The following FNDC3A variants were observed in gnomAD, a reference collection of about 807,000 sequenced individuals.
The protein encoded by FNDC3A is fibronectin type-III domain-containing protein 3A.
In FNDC3A, 32 loss-of-function variants were observed where a neutral mutation model predicts 148.9. The observed-to-expected ratio is 0.21, with a 90% CI of 0.16 to 0.29. The LOEUF (loss-of-function observed/expected upper bound fraction) is 0.29. Ranked by LOEUF, FNDC3A falls within the 10% of genes least tolerant of loss-of-function variation. The pLI, the probability that FNDC3A is intolerant of heterozygous loss-of-function variation, is 1.00. For synonymous variants in FNDC3A, 472 were observed against 473.6 expected (o/e 1.00, Z 0.04); for missense variants, 1,191 against 1,452.8 (o/e 0.82, Z 2.93).
At chr13:49,019,255 C>T (rs1873098263) in intron 2 of FNDC3A, among the ~76,000 whole-genome samples, 1 of 152,256 alleles carries the variant, frequency 6.6e-6, no homozygotes, top group Admixed American at 6.5e-5. Flanking sequence ...ATCAGCGAGA[C>T]TCCGTGGGCG....
intron 25 of FNDC3A, among the ~76,000 whole-genome samples, chr13:49,206,672 G>A (rs1886662742): frequency 2.6e-5 from 4 of 152,110 alleles, no homozygotes; most frequent in Admixed American, 1.3e-4. Flanking sequence ...AAATTATATG[G>A]AAATTTATCA....
chr13:49,171,571 G>C (rs991327029), intron 10 of FNDC3A, among the ~76,000 whole-genome samples: 1 of 152,106 alleles, frequency 6.6e-6, no homozygotes, highest in Non-Finnish European at 1.5e-5. Flanking sequence ...GCAGTCTCAG[G>C]TAACCAGCAC....
chr13:49,002,167 A>G (rs924826785), intron 1 of FNDC3A, among the ~76,000 whole-genome samples: 2 of 152,160 alleles, frequency 1.3e-5, no homozygotes, highest in Admixed American at 6.5e-5. Context: ...TTTCTTGCTC[A>G]GTTGCCCTGG....
intron 3 of FNDC3A, among the ~76,000 whole-genome samples, chr13:49,102,365 A>G (rs978257800): frequency 1.3e-5 from 2 of 152,118 alleles, no homozygotes; most frequent in Non-Finnish European, 2.9e-5. Context: ...TTTCTTCACA[A>G]TAGTTTCAGT....
Position 49,174,513 on chromosome 13 carries a change from A to G in FNDC3A, c.1309A>G (p.Met437Val), listed in dbSNP as rs1056297278. 3 of 1,612,752 alleles carry G rather than the reference A, an allele frequency of 1.9e-6. No individual in the cohort carries two copies. The highest frequency in any genetic ancestry group is 1.7e-6 in the Non-Finnish European group (2 of 1,178,952). ...QFKITKLSPA[M>V]GCKFRLSARN... Reference sequence around the variant, plus strand: ...TAAAATTACTAAACTTTCACCAGCAATGGGCTGTAAATTCAGACTATCGGC... The same window carrying G: ...TAAAATTACTAAACTTTCACCAGCAGTGGGCTGTAAATTCAGACTATCGGC... The change falls in exon 12 of 26, where the codon ATG becomes GTG. Residue 437 changes from methionine to valine, a missense_variant. Physicochemically the swap from Met to Val is conservative, Grantham distance 21. This residue lies in a region of FNDC3A where 751 missense variants were observed against 944.0 expected (regional missense o/e 0.80). Transcript: ENST00000492622.
Position 49,202,931 on chromosome 13 carries a change from A to C in FNDC3A, c.3155-226A>C, listed in dbSNP as rs149252622. On this transcript the variant is annotated intron_variant, in intron 24 of 25. Transcript: ENST00000492622. ...TGAGGCTGCATTGAGCTATGATCGC[A>C]CCACTGTTGTCCAGGCTGGGTGACA... Among the ~76,000 whole-genome samples, 1,194 of 152,312 alleles carry C rather than the reference A, an allele frequency of 7.8e-3. 19 individuals are homozygous for C. Among genetic ancestry groups the C allele is most frequent in the African/African-American group, 0.027 (1,132 of 41,570 alleles).
At chr13:49,047,516 G>A (rs916012134) in intron 2 of FNDC3A, among the ~76,000 whole-genome samples, 1 of 152,106 alleles carries the variant, frequency 6.6e-6, no homozygotes, top group Non-Finnish European at 1.5e-5. Flanking sequence ...GTATTGCATT[G>A]TGGTTTTAAT....
At chr13:49,166,975 T>C (rs1036331221) in intron 8 of FNDC3A, among the ~76,000 whole-genome samples, 3 of 118,218 alleles carry the variant, frequency 2.5e-5, no homozygotes, top group Admixed American at 9.6e-5. Flanking sequence ...CTAAATATCT[T>C]CCTTAACTCC....
At position 49,114,884 on chromosome 13, in the gene FNDC3A, C is replaced by T. The variant is rs567327662; in HGVS notation, c.252+153C>T. Among the ~76,000 whole-genome samples the T allele has an allele frequency of 4.7e-4, 72 of 152,116 alleles. 2 individuals carry two copies. The South Asian group carries it at 9.3e-3, about 20-fold the overall frequency. On this transcript the variant is annotated intron_variant, in intron 4 of 25. Coordinates refer to ENST00000492622, the MANE Select transcript of FNDC3A (RefSeq NM_001079673.2). The stretch of plus-strand genomic sequence containing the variant: ...TAAATCTATTTCAAGTATTTTAGTA[C>T]ATTTGGAAAGGAAGAAAAATTTTTA...
chr13:49,154,445 T>C (rs1479968366), intron 8 of FNDC3A, among the ~76,000 whole-genome samples: 2 of 148,622 alleles, frequency 1.3e-5, no homozygotes, highest in Non-Finnish European at 3.0e-5. Context: ...TTTCTAAATA[T>C]ACAATCATGT....
chr13:48,990,677 G>A lies in FNDC3A; in HGVS notation c.-40+14500G>A, dbSNP rs191877175. ...CTCGGAAGGCTAAGTTGGGAGGATC[G>A]CTTGAACCCAGGAGGCGGAGATTGC... On this transcript the variant is annotated intron_variant, in intron 1 of 25. Coordinates refer to ENST00000492622, the MANE Select transcript of FNDC3A (RefSeq NM_001079673.2). 2.8e-3 allele frequency among the ~76,000 whole-genome samples: 419 copies of A among 151,558 alleles called. 2 individuals are homozygous for A. The highest frequency in any genetic ancestry group is 9.6e-3 in the African/African-American group (398 of 41,284).
At position 49,131,154 on chromosome 13, in the gene FNDC3A, T is replaced by G. The variant is rs1213003551; in HGVS notation, c.270T>G (p.Gly90=). The part of the protein sequence containing the change: ...GYAPQVIEDN[G]VRRVVVVPQA... ...TTTTGTAGGTTATTGAAGACAATGG[T>G]GTTCGAAGAGTTGTCGTGGTCCCTC... Residue 90 remains glycine (G), a synonymous_variant, in exon 5 of 26, where the codon GGT becomes GGG. Transcript: ENST00000492622. The G allele has an allele frequency of 6.2e-7, 1 of 1,612,302 alleles. No homozygotes were observed. Among genetic ancestry groups the G allele is most frequent in the Non-Finnish European group, 8.5e-7 (1 of 1,178,434 alleles).
At chr13:48,991,089 C>A (rs1049212899) in intron 1 of FNDC3A, among the ~76,000 whole-genome samples, 1 of 152,124 alleles carries the variant, frequency 6.6e-6, no homozygotes, top group African/African-American at 2.4e-5. Flanking sequence ...TAAATCCAGT[C>A]GTATCAACAA....
Position 49,201,891 on chromosome 13 carries a change from A to G in FNDC3A, c.3079A>G (p.Asn1027Asp). 1 of 1,596,986 alleles carries G rather than the reference A, an allele frequency of 6.3e-7. No individual in the cohort carries two copies. Among genetic ancestry groups the G allele is most frequent in the Non-Finnish European group, 8.5e-7 (1 of 1,170,292 alleles). Residue 1027 changes from asparagine (N) to aspartate (D), a missense_variant, in exon 24 of 26, where the codon AAT becomes GAT. Around this residue, in one of 3 missense-constraint regions of FNDC3A, gnomAD observed 751 missense variants for 944.0 expected, o/e 0.80. Coordinates refer to ENST00000492622, the MANE Select transcript of FNDC3A (RefSeq NM_001079673.2). ...CTATAAATTCTGTATTCAAGCTTGT[A>G]ATGAAGCTGGGGAAGGTCCCCTCTC... ...TSYKFCIQAC[N>D]EAGEGPLSQE...
At chr13:49,041,194 G>A (rs973865782) in intron 2 of FNDC3A, among the ~76,000 whole-genome samples, 2 of 152,128 alleles carry the variant, frequency 1.3e-5, no homozygotes, top group African/African-American at 4.8e-5. Context: ...GCATGTTGGC[G>A]AAAGTACATA....
At chr13:49,059,704 A>G (rs1448486929) in intron 2 of FNDC3A, among the ~76,000 whole-genome samples, 2 of 152,096 alleles carry the variant, frequency 1.3e-5, no homozygotes, top group East Asian at 3.9e-4. Context: ...CGATCCTCCC[A>G]CCTCAGCCTC....
intron 4 of FNDC3A, among the ~76,000 whole-genome samples, chr13:49,127,847 A>G (rs1331423640): frequency 1.3e-5 from 2 of 151,324 alleles, no homozygotes; most frequent in Non-Finnish European, 2.9e-5. Context: ...CACTTCCCAC[A>G]TGGAATCATC....
At position 49,008,996 on chromosome 13, in the gene FNDC3A, T is replaced by C. The variant is rs149266013; in HGVS notation, c.99+2707T>C. ...CCAGTATTGATGCGTTATTATTAAG[T>C]AAGGTCCATAGGGTTCACTCTTAGT... On this transcript the variant is annotated intron_variant, in intron 2 of 25. Transcript: ENST00000492622. Among the ~76,000 whole-genome samples the C allele has an allele frequency of 4.6e-5, 7 of 152,314 alleles. No individual in the cohort carries two copies. The East Asian group carries it at 1.2e-3, about 25-fold the overall frequency.
rs778993671 is a variant in FNDC3A at position 49,200,636 on chromosome 13, A to G, written c.2988-1164A>G. 5.9e-5 allele frequency among the ~76,000 whole-genome samples: 9 copies of G among 152,244 alleles called. No homozygotes were observed. The East Asian group carries it at 1.7e-3, about 29-fold the overall frequency. On this transcript the variant is annotated intron_variant, in intron 23 of 25. Coordinates refer to ENST00000492622, the MANE Select transcript of FNDC3A (RefSeq NM_001079673.2). ...TAATAGAATAAAGATTCTATTAGATATAAATTCTATTATAGAACTTCCAAC... is the reference window on the plus strand; with the variant it reads ...TAATAGAATAAAGATTCTATTAGATGTAAATTCTATTATAGAACTTCCAAC...
Sources: allele counts gnomAD v4.1 joint callset (sites outside exome capture counted in the v4.1 genomes callset), GRCh38; gene constraint gnomAD v4.1.1; regional missense constraint gnomAD v4.1.1; transcripts MANE v1.5; gene names NCBI Gene and HGNC (gene_info 2026-07-23, HGNC 2026-07-21).